The following LRP1B variants were observed in gnomAD, a reference collection of about 807,000 sequenced individuals.
The protein encoded by LRP1B is low-density lipoprotein receptor-related protein 1B.
A neutral mutation model predicts 556.6 loss-of-function variants in LRP1B; 217 were observed. That is an observed-to-expected ratio of 0.39 (90% confidence interval 0.35 to 0.44). The LOEUF (loss-of-function observed/expected upper bound fraction) is 0.44. Among genes scored for constraint, LRP1B ranks in the 20% least tolerant of loss-of-function variants. The pLI, the probability that LRP1B is intolerant of heterozygous loss-of-function variation, is 1.00. For synonymous variants in LRP1B, 2,047 were observed against 1,865.8 expected (o/e 1.10, Z -2.50); for missense variants, 5,053 against 5,620.8 (o/e 0.90, Z 3.23).
At chr2:142,000,827 T>C (rs762766065) in intron 1 of LRP1B, among the ~76,000 whole-genome samples, 36 of 152,164 alleles carry the variant, frequency 2.4e-4, no homozygotes, top group South Asian at 4.1e-4. Context: ...ATCACCCAAA[T>C]ATTGAGAGAG....
intron 67 of LRP1B, among the ~76,000 whole-genome samples, chr2:140,382,723 C>G (rs1219888187): frequency 2.0e-5 from 3 of 152,162 alleles, no homozygotes. Context: ...ACTGGACTAT[C>G]TCCAACACAA....
rs79730102 is a variant in LRP1B at position 142,099,458 on chromosome 2, A to G, written c.82+31190T>C. 5.1e-3 allele frequency among the ~76,000 whole-genome samples: 768 copies of G among 152,068 alleles called. 5 individuals carry two copies. The highest frequency in any genetic ancestry group is 0.018 in the African/African-American group (739 of 41,528). On this transcript the variant is annotated intron_variant, in intron 1 of 90. Transcript: ENST00000389484. ...TGAGTTGGAGGATAAAATATTTTCC[A>G]CTTAAATTTCAAACCAATTTGATAA...
In LRP1B at chr2:141,602,924, T is replaced by C. The variant is rs74335913; in HGVS notation, c.206-122391A>G. Among the ~76,000 whole-genome samples, 193 of 152,342 alleles carry C rather than the reference T, an allele frequency of 1.3e-3. 4 individuals are homozygous for C. The East Asian group carries it at 0.036, about 28-fold the overall frequency. On this transcript the variant is annotated intron_variant, in intron 2 of 90. Coordinates refer to ENST00000389484, the MANE Select transcript of LRP1B (RefSeq NM_018557.3). ...TGCCAGTAAATGTTTCTTGAGAAAC[T>C]TGTATGTAACAAGTATTGAATACAG... is the stretch of plus-strand genomic sequence containing the variant.
intron 2 of LRP1B, among the ~76,000 whole-genome samples, chr2:141,517,899 A>G (rs1167316228): frequency 6.6e-6 from 1 of 152,170 alleles, no homozygotes; most frequent in African/African-American, 2.4e-5. Flanking sequence ...TTTTGAAGCA[A>G]ACTTTATACT....
At chr2:140,746,249 A>G (rs1688313043) in intron 35 of LRP1B, among the ~76,000 whole-genome samples, 1 of 152,204 alleles carries the variant, frequency 6.6e-6, no homozygotes, top group African/African-American at 2.4e-5. Context: ...ATCCCCCCAC[A>G]TATAAGTTCC....
At chr2:140,648,608 G>A (rs569578731) in intron 41 of LRP1B, among the ~76,000 whole-genome samples, 5 of 152,152 alleles carry the variant, frequency 3.3e-5, no homozygotes, top group South Asian at 2.1e-4. Flanking sequence ...TAGGAATAGA[G>A]GGTGGGGCCG....
intron 1 of LRP1B, among the ~76,000 whole-genome samples, chr2:142,075,931 C>T (rs1705481805): frequency 6.6e-6 from 1 of 152,090 alleles, no homozygotes; most frequent in African/African-American, 2.4e-5. Flanking sequence ...CTGAATCTAG[C>T]CTCTAGGTAC....
Position 140,910,055 on chromosome 2 carries a change from A to T in LRP1B, c.3320-1978T>A, listed in dbSNP as rs183794625. On this transcript the variant is annotated intron_variant, in intron 21 of 90. Coordinates refer to ENST00000389484, the MANE Select transcript of LRP1B (RefSeq NM_018557.3). ...CAATGCAACCCTAAAAGCTTATTTTAAGTTAAAAAATAAAACCAGAAAAAT... is the reference window on the plus strand; with the variant it reads ...CAATGCAACCCTAAAAGCTTATTTTTAGTTAAAAAATAAAACCAGAAAAAT... Among the ~76,000 whole-genome samples the T allele has an allele frequency of 2.4e-3, 365 of 150,304 alleles. 1 individual carries two copies. Among genetic ancestry groups the T allele is most frequent in the Non-Finnish European group, 4.1e-3 (274 of 67,420 alleles).
chr2:141,865,193 G>A (rs12105317), intron 1 of LRP1B, among the ~76,000 whole-genome samples: 48,938 of 151,934 alleles, frequency 0.32, 9,106 homozygotes, highest in Middle Eastern at 0.47. Flanking sequence ...CATTGTGGTT[G>A]TATCTCTCCT....
intron 35 of LRP1B, among the ~76,000 whole-genome samples, chr2:140,736,151 G>A (rs1034597772): frequency 6.6e-6 from 1 of 152,062 alleles, no homozygotes; most frequent in African/African-American, 2.4e-5. Flanking sequence ...ATGAGGGAAG[G>A]AAGTAGAGAT....
intron 84 of LRP1B, among the ~76,000 whole-genome samples, chr2:140,296,686 T>C (rs574609258): frequency 2.6e-5 from 4 of 152,250 alleles, no homozygotes; most frequent in African/African-American, 7.2e-5. Flanking sequence ...GTAGACGATG[T>C]TTTAAGAAGG....
At chr2:142,115,519 T>TAC (rs1230027524) in intron 1 of LRP1B, among the ~76,000 whole-genome samples, 1 of 66,692 alleles carries the variant, frequency 1.5e-5, no homozygotes, top group African/African-American at 4.8e-5. Context: ...ATATATTACA[T>TAC]ATATAATATA....
intron 1 of LRP1B, among the ~76,000 whole-genome samples, chr2:142,120,098 T>G (rs1459774037): frequency 7.6e-6 from 1 of 132,116 alleles, no homozygotes; most frequent in Non-Finnish European, 1.6e-5. Context: ...CACCACTCAC[T>G]TCTTTACTAC....
In LRP1B at chr2:141,305,066, G is replaced by A. The variant is rs527309150; in HGVS notation, c.344-50425C>T. On this transcript the variant is annotated intron_variant, in intron 3 of 90. Coordinates refer to ENST00000389484, the MANE Select transcript of LRP1B (RefSeq NM_018557.3). ...TTTGCTTAGGATTGCTTTGTATTTT[G>A]TTGTTATTGTTGTTCTATACAAATT... Among the ~76,000 whole-genome samples, 317 of 152,154 alleles carry A rather than the reference G, an allele frequency of 2.1e-3. 1 individual carries two copies. Among genetic ancestry groups the A allele is most frequent in the Non-Finnish European group, 3.9e-3 (263 of 67,970 alleles).
At chr2:140,713,688 C>T (rs552800433) in intron 37 of LRP1B, among the ~76,000 whole-genome samples, 10 of 152,164 alleles carry the variant, frequency 6.6e-5, no homozygotes, top group African/African-American at 2.4e-4. Flanking sequence ...CCCAAGTTGT[C>T]TTCCAGACAC....
At chr2:141,907,065 C>T (rs1699778186) in intron 1 of LRP1B, among the ~76,000 whole-genome samples, 1 of 151,980 alleles carries the variant, frequency 6.6e-6, no homozygotes, top group Non-Finnish European at 1.5e-5. Flanking sequence ...AGAGGAATTT[C>T]AGAATCAATA....
intron 18 of LRP1B, among the ~76,000 whole-genome samples, chr2:140,968,849 T>A (rs1401881035): frequency 6.6e-6 from 1 of 152,178 alleles, no homozygotes; most frequent in Non-Finnish European, 1.5e-5. Flanking sequence ...TTTGAGTGAG[T>A]TTCTTAATCC....
intron 31 of LRP1B, among the ~76,000 whole-genome samples, chr2:140,832,287 G>C (rs1240913151): frequency 4.6e-5 from 7 of 152,146 alleles, no homozygotes; most frequent in Non-Finnish European, 8.8e-5. Context: ...ATATGTGGGT[G>C]GTCCTGGAAC....
intron 1 of LRP1B, among the ~76,000 whole-genome samples, chr2:141,927,218 A>G (rs1052285928): frequency 9.2e-5 from 14 of 152,154 alleles, no homozygotes; most frequent in African/African-American, 3.1e-4. Context: ...TTACCATCAT[A>G]CATCAATTTG....
Sources: gnomAD v4.1 joint callset for allele counts (sites outside exome capture counted in the v4.1 genomes callset) on GRCh38, gnomAD v4.1.1 for gene constraint, MANE v1.5 for transcripts, NCBI Gene and HGNC (gene_info 2026-07-23, HGNC 2026-07-21) for gene names.